SNTG2: variants seen among roughly 807,000 people sequenced by gnomAD.
SNTG2 encodes the protein gamma-2-syntrophin.
Under a neutral mutation model 70.9 loss-of-function variants are expected in SNTG2, and 74 were observed. That is an observed-to-expected ratio of 1.04 (90% CI 0.86 to 1.27). SNTG2 has a LOEUF of 1.27. Ranked by LOEUF, SNTG2 falls within the 50% of genes most tolerant of loss-of-function variation. SNTG2 has a pLI of 0.00. For synonymous variants in SNTG2, 278 were observed against 273.8 expected, an observed-to-expected ratio of 1.02 and a Z score of -0.15; for missense variants, 717 against 690.7, an observed-to-expected ratio of 1.04 and a Z score of -0.43.
At chr2:1,220,989 C>G (rs1456971960) in intron 9 of SNTG2, among the ~76,000 whole-genome samples, 1 of 152,260 alleles carries the variant, frequency 6.6e-6, no homozygotes, top group Non-Finnish European at 1.5e-5. Context: ...GGCACCCTGA[C>G]ACCCCTCCCC....
chr2:1,364,125 C>T (rs1661345677), intron 16 of SNTG2, among the ~76,000 whole-genome samples: 1 of 145,818 alleles, frequency 6.9e-6, no homozygotes, highest in Non-Finnish European at 1.5e-5. Context: ...CACCTGCCAC[C>T]ATGCCCAGTT....
chr2:1,301,291 C>T (rs549132543), intron 14 of SNTG2, among the ~76,000 whole-genome samples: 20 of 152,264 alleles, frequency 1.3e-4, no homozygotes, highest in African/African-American at 4.3e-4. Context: ...GCTTACCCCG[C>T]GCCCTGCTGA....
At chr2:1,262,324 C>A (rs1678455803) in intron 13 of SNTG2, among the ~76,000 whole-genome samples, 1 of 152,054 alleles carries the variant, frequency 6.6e-6, no homozygotes, top group South Asian at 2.1e-4. Context: ...CAGCTTAGAG[C>A]CAAGCACCCA....
intron 4 of SNTG2, among the ~76,000 whole-genome samples, chr2:1,121,804 A>G (rs1667396073): frequency 6.6e-6 from 1 of 152,176 alleles, no homozygotes; most frequent in Admixed American, 6.5e-5. Flanking sequence ...CTCCCTTGAC[A>G]CGTGGGGATC....
intron 9 of SNTG2, among the ~76,000 whole-genome samples, chr2:1,227,905 G>A (rs1474752170): frequency 2.0e-5 from 3 of 152,212 alleles, no homozygotes; most frequent in Non-Finnish European, 4.4e-5. Flanking sequence ...TGCTGGGCAG[G>A]TCGGACTCCA....
chr2:951,115 T>C, intron 1 of SNTG2, 47 bp downstream of exon 1: 1 of 940,534 alleles, frequency 1.1e-6, no homozygotes, highest in East Asian at 3.3e-5. Context: ...CCCCCTTCCC[T>C]CTCCTTCGCG....
chr2:1,040,117 C>G (rs1356219214), intron 1 of SNTG2, among the ~76,000 whole-genome samples: 2 of 152,200 alleles, frequency 1.3e-5, no homozygotes, highest in Non-Finnish European at 2.9e-5. Context: ...CCTTTCCAGG[C>G]ACGCTTGTGG....
intron 1 of SNTG2, among the ~76,000 whole-genome samples, chr2:1,038,100 C>T (rs1203969032): frequency 2.0e-5 from 3 of 152,172 alleles, no homozygotes; most frequent in Non-Finnish European, 4.4e-5. Context: ...ATTATGTATC[C>T]GTTGTCAAAA....
intron 14 of SNTG2, among the ~76,000 whole-genome samples, chr2:1,292,150 A>G (rs934617747): frequency 6.6e-6 from 1 of 152,210 alleles, no homozygotes; most frequent in African/African-American, 2.4e-5. Context: ...TTGTTAGCAT[A>G]TAGAAATAAA....
At chr2:968,159 A>G (rs1183976343) in intron 1 of SNTG2, among the ~76,000 whole-genome samples, 4 of 152,052 alleles carry the variant, frequency 2.6e-5, no homozygotes, top group Non-Finnish European at 5.9e-5. Context: ...TTTAACTATA[A>G]ATTCAGCTTC....
intron 8 of SNTG2, among the ~76,000 whole-genome samples, chr2:1,197,287 A>G (rs114927008): frequency 0.011 from 1,706 of 152,134 alleles, 30 homozygotes; most frequent in African/African-American, 0.039. Context: ...AAGCTATTCT[A>G]TACAAATGGA....
chr2:1,057,876 A>T (rs1290518881), intron 1 of SNTG2, among the ~76,000 whole-genome samples: 1 of 152,158 alleles, frequency 6.6e-6, no homozygotes, highest in Admixed American at 6.5e-5. Flanking sequence ...CATCTCTACA[A>T]AAGATTTAAA....
intron 1 of SNTG2, among the ~76,000 whole-genome samples, chr2:972,147 A>G (rs1263955697): frequency 3.3e-5 from 5 of 152,180 alleles, no homozygotes; most frequent in East Asian, 1.9e-4. Context: ...GTAGATATCT[A>G]TTAGGTTTAT....
rs972475638 is a variant in SNTG2, at chr2:1,053,760, G to T, written c.73-29758G>T. Among the ~76,000 whole-genome samples, 9 of 152,022 alleles carry T rather than the reference G, an allele frequency of 5.9e-5. No homozygotes were observed. The South Asian group carries it at 1.5e-3, about 25-fold the overall frequency. ...TCATTTGACTTTATTGCATTTTATT[G>T]TGGCATTGATTCTGATTACTTTAAC... is the stretch of plus-strand genomic sequence containing the variant. On this transcript the variant is annotated intron_variant, in intron 1 of 16. Transcript: ENST00000308624.
chr2:1,151,273 T>A (rs1669476792), intron 6 of SNTG2, among the ~76,000 whole-genome samples: 1 of 152,256 alleles, frequency 6.6e-6, no homozygotes, highest in Admixed American at 6.5e-5. Context: ...AGCTCTGGAG[T>A]CAAGGTGTGC....
At chr2:1,324,632 T>G (rs2148276213) in intron 16 of SNTG2, among the ~76,000 whole-genome samples, 1 of 152,264 alleles carries the variant, frequency 6.6e-6, no homozygotes, top group South Asian at 2.1e-4. Flanking sequence ...TAATAACAGG[T>G]GTGCAGTTGG....
chr2:1,306,932 CTG>C (rs1335779320), intron 14 of SNTG2, among the ~76,000 whole-genome samples: 3 of 151,398 alleles, frequency 2.0e-5, no homozygotes, highest in Admixed American at 2.0e-4. Flanking sequence ...AAGCCGCATG[CTG>C]TGTGAGAGCT....
At chr2:989,102 G>C (rs1020726919) in intron 1 of SNTG2, among the ~76,000 whole-genome samples, 1 of 152,020 alleles carries the variant, frequency 6.6e-6, no homozygotes, top group Non-Finnish European at 1.5e-5. Flanking sequence ...TGTCAAACTT[G>C]TTTAGTAGTT....
intron 16 of SNTG2, among the ~76,000 whole-genome samples, chr2:1,338,521 T>C (rs1659928036): frequency 6.6e-6 from 1 of 152,196 alleles, no homozygotes; most frequent in African/African-American, 2.4e-5. Flanking sequence ...ACAAAATTTA[T>C]TTTCCCCTTC....
Sources: allele counts gnomAD v4.1 joint callset (sites outside exome capture counted in the v4.1 genomes callset), GRCh38; gene constraint gnomAD v4.1.1; transcripts MANE v1.5; gene names NCBI Gene and HGNC (gene_info 2026-07-23, HGNC 2026-07-21).